Variants in SLC4A7 observed in about 807,000 individuals in gnomAD.
SLC4A7 encodes the protein solute carrier family 4 member 7, also known as sodium bicarbonate cotransporter 3.
Under a neutral mutation model 137.6 loss-of-function variants are expected in SLC4A7, and 51 were observed. The ratio of observed to expected loss-of-function variants is 0.37; its 90% CI spans 0.30 to 0.47. The LOEUF is 0.47. Ranked by LOEUF, SLC4A7 falls within the 20% of genes least tolerant of loss-of-function variation. The pLI is 1.00. For synonymous variants in SLC4A7, 542 were observed against 518.6 expected (o/e 1.05, Z -0.61); for missense variants, 1,247 against 1,525.4 (o/e 0.82, Z 3.04).
chr3:27,436,725 T>C (rs1008693668), intron 4 of SLC4A7, among the ~76,000 whole-genome samples, 177 bp from the exon 5 acceptor site: 9 of 151,996 alleles, frequency 5.9e-5, no homozygotes, highest in African/African-American at 2.2e-4. Context: ...AGTCACAAAT[T>C]TCCTTTGTAG....
chr3:27,377,821 G>A (rs907450330), intron 25 of SLC4A7, among the ~76,000 whole-genome samples: 3 of 152,114 alleles, frequency 2.0e-5, no homozygotes, highest in African/African-American at 7.2e-5. Context: ...ACACACTATG[G>A]TTTGCTGTCT....
chr3:27,441,825 G>A (rs987755109), intron 3 of SLC4A7, among the ~76,000 whole-genome samples: 1 of 151,862 alleles, frequency 6.6e-6, no homozygotes, highest in African/African-American at 2.4e-5. Context: ...TATTCTTAGA[G>A]GAACTTGTCC....
intron 1 of SLC4A7, among the ~76,000 whole-genome samples, chr3:27,460,337 A>G (rs988731543): frequency 5.3e-5 from 8 of 152,176 alleles, no homozygotes; most frequent in African/African-American, 9.6e-5. Context: ...CACCGGGCCT[A>G]TATTTTTTTG....
intron 3 of SLC4A7, among the ~76,000 whole-genome samples, chr3:27,448,297 T>C (rs991484205): frequency 2.6e-5 from 4 of 151,760 alleles, no homozygotes; most frequent in Admixed American, 2.0e-4. Context: ...GTCTATCCAT[T>C]GCATATGTAA....
chr3:27,376,951 C>T (rs2049949693), intron 25 of SLC4A7, 106 bp from the exon 26 acceptor site: 1 of 418,614 alleles, frequency 2.4e-6, no homozygotes. Context: ...ACTATTAACA[C>T]TACAAACTTA....
intron 2 of SLC4A7, among the ~76,000 whole-genome samples, 178 bp downstream of exon 2, chr3:27,452,239 A>G (rs11719745): frequency 0.022 from 3,373 of 152,242 alleles, 56 homozygotes; most frequent in Non-Finnish European, 0.039. Flanking sequence ...TTTGAGAAGC[A>G]TTATGAACTC....
intron 1 of SLC4A7, among the ~76,000 whole-genome samples, chr3:27,464,057 T>C (rs926499631): frequency 3.9e-5 from 6 of 151,914 alleles, no homozygotes; most frequent in Admixed American, 2.6e-4. Context: ...GTGCCTGTTA[T>C]CCCAGCTACT....
In SLC4A7 at chr3:27,376,179, G is replaced by C. The variant is rs936466739; in HGVS notation, c.*585C>G. 6.6e-6 allele frequency: 1 copy of C among 151,972 alleles called. No homozygotes were observed. The highest frequency in any genetic ancestry group is 2.4e-5 in the African/African-American group (1 of 41,396). The allele number at this position is 151,972 out of a possible 1,614,324, so 9.4% of individuals were successfully genotyped here. A position where few individuals can be genotyped will look rare whatever the true frequency, so the allele number is the denominator to read the frequency against. ...ATTTAAAAAAAATTTAAACATAAAA[G>C]TTAAAAACTATCATTATTAAAGTTT... On this transcript the variant is annotated 3_prime_UTR_variant, in exon 26 of 26. Transcript: ENST00000454389.
intron 2 of SLC4A7, among the ~76,000 whole-genome samples, chr3:27,449,715 T>C (rs970314719): frequency 6.6e-6 from 1 of 152,194 alleles, no homozygotes; most frequent in Admixed American, 6.5e-5. Context: ...CTAGGAGCAC[T>C]ATGTCAAATA....
rs541586714 is a variant in SLC4A7, at chr3:27,472,765, A to G, written c.60+11302T>C. On this transcript the variant is annotated intron_variant, in intron 1 of 25. Transcript: ENST00000454389. ...CAATTTCTATTTGTATCTTACCTCT[A>G]TCAAAATTCCTTTTCAAAAACGAAT... 3.3e-5 allele frequency among the ~76,000 whole-genome samples: 5 copies of G among 152,310 alleles called. No individual in the cohort carries two copies. The South Asian group carries it at 1.0e-3, about 32-fold the overall frequency.
intron 24 of SLC4A7, among the ~76,000 whole-genome samples, chr3:27,380,745 A>G (rs7640753): frequency 0.92 from 140,745 of 152,206 alleles, 65,204 homozygotes; most frequent in East Asian, 1. Context: ...CTTTACCTTC[A>G]CCAGGTCAGA....
intron 21 of SLC4A7, among the ~76,000 whole-genome samples, chr3:27,391,337 T>C (rs2051531740): frequency 6.6e-6 from 1 of 152,228 alleles, no homozygotes; most frequent in African/African-American, 2.4e-5. Context: ...CAAAATGATG[T>C]ATATGCTAGG....
chr3:27,403,736 T>C (rs532962950), intron 14 of SLC4A7, among the ~76,000 whole-genome samples: 90 of 152,246 alleles, frequency 5.9e-4, no homozygotes, highest in African/African-American at 2.1e-3. Context: ...ATGGTGTCTA[T>C]ATGAAAAAAC....
At chr3:27,473,674 C>T (rs1246037815) in intron 1 of SLC4A7, among the ~76,000 whole-genome samples, 1 of 141,330 alleles carries the variant, frequency 7.1e-6, no homozygotes, top group South Asian at 2.3e-4. Context: ...TATCAGCACT[C>T]CAGCCTGGGT....
intron 11 of SLC4A7, among the ~76,000 whole-genome samples, chr3:27,413,326 T>C (rs1023457007): frequency 6.6e-6 from 1 of 152,156 alleles, no homozygotes; most frequent in Non-Finnish European, 1.5e-5. Flanking sequence ...CAAAAAACTT[T>C]ACAAAGGAAT....
chr3:27,422,789 T>A (rs749240402), intron 8 of SLC4A7: 144 of 456,010 alleles, frequency 3.2e-4, no homozygotes, highest in Non-Finnish European at 4.9e-4. Flanking sequence ...ACAGCGGGCC[T>A]CTTGAGTCCC....
chr3:27,401,872 A>C (rs1356929250), intron 15 of SLC4A7, among the ~76,000 whole-genome samples: 3 of 152,218 alleles, frequency 2.0e-5, no homozygotes, highest in African/African-American at 7.2e-5. Context: ...AGAAAGATTT[A>C]AAAAATGTGT....
chr3:27,451,837 T>A lies in SLC4A7; in HGVS notation c.142+580A>T, dbSNP rs372635129. 6.4e-4 allele frequency among the ~76,000 whole-genome samples: 98 copies of A among 152,262 alleles called. 3 individuals are homozygous for A. The South Asian group carries it at 0.02, about 31-fold the overall frequency. On this transcript the variant is annotated intron_variant, in intron 2 of 25. Coordinates refer to ENST00000454389, the MANE Select transcript of SLC4A7 (RefSeq NM_001321103.2). ...AAATGTATGATGGCTGCGCAAAATG[T>A]TAACATTAGGAGAAACTGGGTGAAG...
In SLC4A7 at chr3:27,372,975, C is replaced by G. The variant is rs988732059; in HGVS notation, c.*3789G>C. 6.6e-6 allele frequency: 1 copy of G among 150,466 alleles called. No individual in the cohort carries two copies. 9.3% of individuals were successfully genotyped at this position (150,466 alleles called of 1,614,324 possible). On this transcript the variant is annotated 3_prime_UTR_variant, in exon 26 of 26. Coordinates refer to ENST00000454389, the MANE Select transcript of SLC4A7 (RefSeq NM_001321103.2). ...TTGGAACTGTATTGTGAAATTACAT[C>G]AAGGTATCAGATTTTATATAAATGA... is the stretch of plus-strand genomic sequence containing the variant.
Sources: gnomAD v4.1 joint callset for allele counts (sites outside exome capture counted in the v4.1 genomes callset) on GRCh38, gnomAD v4.1.1 for gene constraint, MANE v1.5 for transcripts, NCBI Gene and HGNC (gene_info 2026-07-23, HGNC 2026-07-21) for gene names.